SEC14L1: variants seen among roughly 807,000 people sequenced by gnomAD.
SEC14L1 encodes SEC14 like lipid binding 1, also known as SEC14-like protein 1.
SEC14L1 carries 48 observed loss-of-function variants against 85.3 expected under a neutral mutation model. The ratio of observed to expected loss-of-function variants is 0.56; its 90% CI spans 0.45 to 0.72. SEC14L1 has a LOEUF of 0.72. Among genes scored for constraint, SEC14L1 ranks in the 30% least tolerant of loss-of-function variants. The probability of loss-of-function intolerance (pLI) is 0.00; values close to 1 mark genes in which losing one functional copy is unlikely to be tolerated. For synonymous variants in SEC14L1, 391 were observed against 355.5 expected, an observed-to-expected ratio of 1.10 and a Z score of -1.12; for missense variants, 682 against 921.4, an observed-to-expected ratio of 0.74 and a Z score of 3.36.
chr17:77,184,124 T>C (rs1457476913), intron 3 of SEC14L1, among the ~76,000 whole-genome samples: 1 of 152,134 alleles, frequency 6.6e-6, no homozygotes, highest in African/African-American at 2.4e-5. Context: ...GCCATCTTTG[T>C]CCTGAGGGCC....
At chr17:77,202,175 G>C (rs1188414090) in intron 9 of SEC14L1, among the ~76,000 whole-genome samples, 1 of 152,112 alleles carries the variant, frequency 6.6e-6, no homozygotes, top group Non-Finnish European at 1.5e-5. Flanking sequence ...GCACCCATTA[G>C]ACCTCCAGGC....
intron 3 of SEC14L1, among the ~76,000 whole-genome samples, chr17:77,174,849 G>A (rs1974680427): frequency 6.6e-6 from 1 of 152,232 alleles, no homozygotes; most frequent in Admixed American, 6.5e-5. Flanking sequence ...TGTTACGACT[G>A]CAAGAGCACA....
chr17:77,102,038 A>G (rs1408312827), intron 3 of SEC14L1, among the ~76,000 whole-genome samples: 2 of 152,224 alleles, frequency 1.3e-5, no homozygotes, highest in African/African-American at 4.8e-5. Context: ...AACTGCAGTC[A>G]TCTGTTGGGG....
At chr17:77,207,615 C>T (rs1215484605) in intron 13 of SEC14L1, among the ~76,000 whole-genome samples, 1 of 152,062 alleles carries the variant, frequency 6.6e-6, no homozygotes, top group Non-Finnish European at 1.5e-5. Flanking sequence ...CTACCCACAG[C>T]TAATTGTTTT....
At chr17:77,098,274 G>A (rs2143301232) in intron 3 of SEC14L1, among the ~76,000 whole-genome samples, 1 of 152,132 alleles carries the variant, frequency 6.6e-6, no homozygotes, top group East Asian at 1.9e-4. Context: ...CAAGGCAGGT[G>A]GATCACCTGA....
chr17:77,099,906 T>C (rs1971727601), intron 3 of SEC14L1, among the ~76,000 whole-genome samples: 1 of 150,692 alleles, frequency 6.6e-6, no homozygotes, highest in African/African-American at 2.5e-5. Context: ...ATGCGTTTTT[T>C]GTTGTTTTTT....
At chr17:77,165,090 T>A (rs968015411) in intron 3 of SEC14L1, among the ~76,000 whole-genome samples, 2 of 152,198 alleles carry the variant, frequency 1.3e-5, no homozygotes, top group African/African-American at 4.8e-5. Flanking sequence ...CTTCATTTAT[T>A]TTATGAAAGT....
chr17:77,193,097 A>G (rs993074246), intron 5 of SEC14L1, among the ~76,000 whole-genome samples: 1 of 152,236 alleles, frequency 6.6e-6, no homozygotes, highest in African/African-American at 2.4e-5. Flanking sequence ...TTCCAAGGCC[A>G]ATACCTCTTT....
chr17:77,148,149 G>T (rs1282971248), intron 3 of SEC14L1, among the ~76,000 whole-genome samples: 1 of 152,120 alleles, frequency 6.6e-6, no homozygotes, highest in African/African-American at 2.4e-5. Flanking sequence ...CATGTTAATG[G>T]TTCCTTAATA....
chr17:77,200,785 T>G, intron 9 of SEC14L1, 112 bp downstream of exon 9: 2 of 976,218 alleles, frequency 2.0e-6, no homozygotes, highest in Non-Finnish European at 3.1e-6. Context: ...AGTGCATCGT[T>G]TCTCCTCACT....
chr17:77,135,732 G>C (rs1972776001), intron 3 of SEC14L1, among the ~76,000 whole-genome samples: 1 of 151,844 alleles, frequency 6.6e-6, no homozygotes, highest in African/African-American at 2.4e-5. Flanking sequence ...TAGAGATAGG[G>C]GTCTTGCTAT....
rs115359487 is a variant in SEC14L1, at chr17:77,146,084, C to G, written c.63+2425C>G. 7.0e-3 allele frequency among the ~76,000 whole-genome samples: 1,068 copies of G among 152,270 alleles called. 14 individuals are homozygous for G. The highest frequency in any genetic ancestry group is 0.024 in the African/African-American group (999 of 41,526). On this transcript the variant is annotated intron_variant, in intron 3 of 16. Transcript: ENST00000436233. ...GTTCATTCCCCACCCCGACCCCTGC[C>G]CTGGTCCTGGGTTTGAGGATATTGG...
At chr17:77,170,551 T>A (rs1408259821) in intron 3 of SEC14L1, among the ~76,000 whole-genome samples, 1 of 152,152 alleles carries the variant, frequency 6.6e-6, no homozygotes, top group Admixed American at 6.5e-5. Flanking sequence ...TTTTGAGAAA[T>A]TCATCCTTTG....
At chr17:77,193,606 A>G in intron 6 of SEC14L1, 57 bp downstream of exon 6, 2 of 1,546,980 alleles carry the variant, frequency 1.3e-6, no homozygotes. Context: ...TGAGATGACC[A>G]TCTTTTTGGA....
At chr17:77,148,676 G>A (rs77176411) in intron 3 of SEC14L1, among the ~76,000 whole-genome samples, 1,843 of 152,306 alleles carry the variant, frequency 0.012, 22 homozygotes, top group South Asian at 0.046. Context: ...CACTGCCATC[G>A]TTGCAGCGTA....
chr17:77,126,113 T>A (rs1182573593), intron 3 of SEC14L1, among the ~76,000 whole-genome samples: 1 of 152,232 alleles, frequency 6.6e-6, no homozygotes, highest in Admixed American at 6.5e-5. Flanking sequence ...ATCGCACCAC[T>A]GCACTCCATC....
chr17:77,095,593 C>G (rs942442884), intron 3 of SEC14L1, among the ~76,000 whole-genome samples: 4 of 151,998 alleles, frequency 2.6e-5, no homozygotes, highest in Admixed American at 2.6e-4. Flanking sequence ...TTTAGGAGGC[C>G]GAGGCGGGTG....
chr17:77,150,418 C>G (rs1254698092), intron 3 of SEC14L1, among the ~76,000 whole-genome samples: 1 of 152,134 alleles, frequency 6.6e-6, no homozygotes, highest in East Asian at 1.9e-4. Flanking sequence ...CTTCTCACCT[C>G]CAAATACCAG....
intron 3 of SEC14L1, among the ~76,000 whole-genome samples, chr17:77,101,537 G>A (rs750498578): frequency 2.0e-5 from 3 of 152,126 alleles, no homozygotes; most frequent in Non-Finnish European, 2.9e-5. Context: ...GGTTCAGAAG[G>A]CCCACGTTGT....
Sources: gnomAD v4.1 joint callset for allele counts (sites outside exome capture counted in the v4.1 genomes callset) on GRCh38, gnomAD v4.1.1 for gene constraint, MANE v1.5 for transcripts, NCBI Gene and HGNC (gene_info 2026-07-23, HGNC 2026-07-21) for gene names.